FAM135B: variants seen among roughly 807,000 people sequenced by gnomAD.
The protein encoded by FAM135B is protein FAM135B.
FAM135B carries 43 observed loss-of-function variants against 127.7 expected under a neutral mutation model. The ratio of observed to expected loss-of-function variants is 0.34; its 90% CI spans 0.26 to 0.43. FAM135B has a LOEUF of 0.43. FAM135B is among the 20% of genes least tolerant of loss of function. The probability of loss-of-function intolerance (pLI) is 1.00; values close to 1 mark genes in which losing one functional copy is unlikely to be tolerated. For missense variants in FAM135B, 1,558 were observed against 1,725.6 expected, an observed-to-expected ratio of 0.90 and a Z score of 1.72; for synonymous variants, 670 against 665.1, an observed-to-expected ratio of 1.01 and a Z score of -0.11.
intron 1 of FAM135B, among the ~76,000 whole-genome samples, chr8:138,370,295 T>C (rs1233818132): frequency 6.6e-6 from 1 of 152,106 alleles, no homozygotes; most frequent in South Asian, 2.1e-4. Flanking sequence ...TTGTTCAGGA[T>C]GAATGGGATA....
intron 6 of FAM135B, among the ~76,000 whole-genome samples, chr8:138,244,119 T>C (rs1003686446): frequency 1.3e-5 from 2 of 152,162 alleles, no homozygotes; most frequent in African/African-American, 4.8e-5. Context: ...TTTATTCAAA[T>C]ATTTATTAGG....
intron 7 of FAM135B, among the ~76,000 whole-genome samples, chr8:138,214,592 A>C (rs913923476): frequency 2.0e-5 from 3 of 152,222 alleles, no homozygotes; most frequent in African/African-American, 7.2e-5. Flanking sequence ...TTCTGGGGTC[A>C]GTCAAGAAAA....
intron 1 of FAM135B, among the ~76,000 whole-genome samples, chr8:138,375,088 A>G (rs1011225134): frequency 6.6e-6 from 1 of 152,218 alleles, no homozygotes. Flanking sequence ...CACAAAGGCT[A>G]AAGTCTGAGC....
intron 1 of FAM135B, among the ~76,000 whole-genome samples, chr8:138,494,406 G>A (rs919600846): frequency 6.6e-6 from 1 of 152,196 alleles, no homozygotes; most frequent in African/African-American, 2.4e-5. Context: ...CAACAGAAAG[G>A]ACAGGTATGT....
At chr8:138,217,550 C>A (rs1818655347) in intron 7 of FAM135B, among the ~76,000 whole-genome samples, 1 of 151,658 alleles carries the variant, frequency 6.6e-6, no homozygotes, top group Non-Finnish European at 1.5e-5. Flanking sequence ...CCTGCCTCAG[C>A]CTCCCGAGTA....
chr8:138,248,837 C>A lies in FAM135B; in HGVS notation c.542+2004G>T, dbSNP rs375308994. Among the ~76,000 whole-genome samples the A allele has an allele frequency of 3.5e-3, 335 of 96,312 alleles. 5 individuals carry two copies. The highest frequency in any genetic ancestry group is 1.0e-2 in the African/African-American group (240 of 24,024). 63.2% of individuals were successfully genotyped at this position (96,312 alleles called of 152,430 possible). On this transcript the variant is annotated intron_variant, in intron 6 of 19. Transcript: ENST00000395297. ...AGACGCTGTCTCAAAAAAAAAAAAA[C>A]AATAAAAGTAAAATAAAATAAATGA... is the stretch of plus-strand genomic sequence containing the variant.
At chr8:138,181,417 C>T (rs904136286) in intron 9 of FAM135B, among the ~76,000 whole-genome samples, 5 of 152,078 alleles carry the variant, frequency 3.3e-5, no homozygotes, top group South Asian at 2.1e-4. Context: ...TGCATCAGCA[C>T]GTGGCACAAC....
intron 1 of FAM135B, among the ~76,000 whole-genome samples, chr8:138,422,900 G>A (rs12550002): frequency 0.016 from 2,393 of 152,278 alleles, 27 homozygotes; most frequent in Admixed American, 0.022. Flanking sequence ...TAAAGAAAAT[G>A]TGGTCAATAT....
rs117622448 is a variant in FAM135B, at chr8:138,259,657, C to T, written c.298-2898G>A. 6.2e-4 allele frequency among the ~76,000 whole-genome samples: 94 copies of T among 152,286 alleles called. No homozygotes were observed. The East Asian group carries it at 0.012, about 20-fold the overall frequency. On this transcript the variant is annotated intron_variant, in intron 4 of 19. Coordinates refer to ENST00000395297, the MANE Select transcript of FAM135B (RefSeq NM_015912.4). ...CACAAACACAGACTTTGTGATCGGA[C>T]GGCCCAGGTTCAAACCCTGGCTCTA...
intron 1 of FAM135B, among the ~76,000 whole-genome samples, chr8:138,416,741 C>G (rs1834179362): frequency 6.6e-6 from 1 of 151,906 alleles, no homozygotes; most frequent in Non-Finnish European, 1.5e-5. Context: ...ACCAAGATAC[C>G]AAATCATCAA....
rs1240940892 is a variant in FAM135B at position 138,213,783 on chromosome 8, C to T, written c.670-16114G>A. ...AACTCACTTAGAAGTAGAGGGGAAG[C>T]AGCAAGCTCCGCTAGGCTGGAACCC... On this transcript the variant is annotated intron_variant, in intron 7 of 19. Transcript: ENST00000395297. Among the ~76,000 whole-genome samples, 4 of 152,114 alleles carry T rather than the reference C, an allele frequency of 2.6e-5. No individual in the cohort carries two copies. In the East Asian group the frequency reaches 7.7e-4, roughly 29 times the overall value.
chr8:138,366,882 C>A (rs1406209363), intron 2 of FAM135B, among the ~76,000 whole-genome samples: 1 of 152,122 alleles, frequency 6.6e-6, no homozygotes, highest in Non-Finnish European at 1.5e-5. Flanking sequence ...TATGCAAATT[C>A]CAAGACTGAA....
At chr8:138,308,407 C>T (rs957031109) in intron 3 of FAM135B, among the ~76,000 whole-genome samples, 1 of 152,190 alleles carries the variant, frequency 6.6e-6, no homozygotes, top group Non-Finnish European at 1.5e-5. Flanking sequence ...TGGAGTGCTT[C>T]ATAATGCAGC....
chr8:138,314,623 C>T (rs1587060016), intron 2 of FAM135B, among the ~76,000 whole-genome samples: 1 of 151,742 alleles, frequency 6.6e-6, no homozygotes, highest in South Asian at 2.1e-4. Context: ...GTAATCCCAG[C>T]ACTTTCGGAG....
rs139270110 is a variant in FAM135B at position 138,204,779 on chromosome 8, A to T, written c.670-7110T>A. ...TAACCTGATTTTAACTTTGCCTGGG[A>T]TAAACACTGATAACTTTTCAACATG... On this transcript the variant is annotated intron_variant, in intron 7 of 19. Transcript: ENST00000395297. Among the ~76,000 whole-genome samples, 458 of 152,340 alleles carry T rather than the reference A, an allele frequency of 3.0e-3. 2 individuals are homozygous for T. Among genetic ancestry groups the T allele is most frequent in the African/African-American group, 9.8e-3 (406 of 41,576 alleles).
At chr8:138,474,508 G>A (rs1814280682) in intron 1 of FAM135B, among the ~76,000 whole-genome samples, 2 of 152,118 alleles carry the variant, frequency 1.3e-5, no homozygotes, top group South Asian at 2.1e-4. Context: ...TATAAAAGAT[G>A]CAAGCTTGTT....
intron 1 of FAM135B, among the ~76,000 whole-genome samples, chr8:138,443,756 A>C (rs79971311): frequency 6.6e-6 from 1 of 151,910 alleles, no homozygotes; most frequent in Non-Finnish European, 1.5e-5. Context: ...CGCAGGTTAT[A>C]TGCCAGCTAA....
At chr8:138,163,522 T>C (rs2130869086) in intron 12 of FAM135B, among the ~76,000 whole-genome samples, 1 of 152,216 alleles carries the variant, frequency 6.6e-6, no homozygotes, top group South Asian at 2.1e-4. Flanking sequence ...GGGGGCAGTT[T>C]CCCCCATCTG....
chr8:138,396,971 A>C (rs1386054326), intron 1 of FAM135B, among the ~76,000 whole-genome samples: 1 of 152,208 alleles, frequency 6.6e-6, no homozygotes, highest in Non-Finnish European at 1.5e-5. Flanking sequence ...AAACTAAAAA[A>C]TGTATAAAAT....
Sources: gnomAD v4.1 joint callset for allele counts (sites outside exome capture counted in the v4.1 genomes callset) on GRCh38, gnomAD v4.1.1 for gene constraint, MANE v1.5 for transcripts, NCBI Gene and HGNC (gene_info 2026-07-23, HGNC 2026-07-21) for gene names.